EVC: variants seen among roughly 807,000 people sequenced by gnomAD.
EVC encodes the protein evC complex member EVC.
A neutral mutation model predicts 118.9 loss-of-function variants in EVC; 116 were observed. The ratio of observed to expected loss-of-function variants is 0.98; its 90% CI spans 0.84 to 1.14. The LOEUF is 1.14. Ranked by LOEUF, EVC falls within the 50% of genes most tolerant of loss-of-function variation. The pLI is 0.00. For synonymous variants in EVC, 619 were observed against 534.7 expected, an observed-to-expected ratio of 1.16 and a Z score of -2.18; for missense variants, 1,401 against 1,246.4, an observed-to-expected ratio of 1.12 and a Z score of -1.87.
chr4:5,802,318 A>G (rs1577640665), intron 16 of EVC, among the ~76,000 whole-genome samples: 1 of 152,226 alleles, frequency 6.6e-6, no homozygotes, highest in Admixed American at 6.5e-5. Context: ...GAGTGTTTTA[A>G]GTCGGTCACT....
intron 2 of EVC, among the ~76,000 whole-genome samples, chr4:5,723,133 A>G (rs1725236003): frequency 6.6e-6 from 1 of 151,296 alleles, no homozygotes; most frequent in African/African-American, 2.4e-5. Flanking sequence ...CGGCTCCTCC[A>G]TCCCCAGGTG....
chr4:5,735,114 C>T (rs1727458890), intron 5 of EVC, among the ~76,000 whole-genome samples: 1 of 152,240 alleles, frequency 6.6e-6, no homozygotes, highest in Non-Finnish European at 1.5e-5. Context: ...CTGTGTCAGA[C>T]CCCAGGGGCA....
intron 3 of EVC, among the ~76,000 whole-genome samples, chr4:5,729,697 C>G (rs749269272): frequency 2.6e-5 from 4 of 152,198 alleles, no homozygotes; most frequent in African/African-American, 7.2e-5. Flanking sequence ...CGCTAATCCT[C>G]ATTCACAGAG....
intron 11 of EVC, among the ~76,000 whole-genome samples, chr4:5,757,549 A>G (rs1388922019): frequency 1.3e-5 from 2 of 152,238 alleles, no homozygotes; most frequent in East Asian, 3.8e-4. Flanking sequence ...CACGGTGCCA[A>G]CAGGATTGAC....
chr4:5,808,136 T>TACCAAC, intron 17 of EVC, 65 bp from the exon 18 acceptor site: 2 of 306,556 alleles, frequency 6.5e-6, no homozygotes, highest in East Asian at 8.2e-5. Flanking sequence ...TCCTTCTCCC[T>TACCAAC]CCCTCCCTCC....
rs1717133420 is a variant in EVC at position 5,812,867 on chromosome 4, A to C, written c.*1830A>C. 7.7e-6 allele frequency: 1 copy of C among 129,308 alleles called. No homozygotes were observed. Among genetic ancestry groups the C allele is most frequent in the African/African-American group, 2.7e-5 (1 of 37,188 alleles). The allele number at this position is 129,308 out of a possible 1,614,324, so 8.0% of individuals were successfully genotyped here. A position where few individuals can be genotyped will look rare whatever the true frequency, so the allele number is the denominator to read the frequency against. ...CATGGGGTTATCACCCACTGTGCTG[A>C]GTCAAAGGGTGCCTTGCCCTGGTCT... On this transcript the variant is annotated 3_prime_UTR_variant, in exon 21 of 21. Coordinates refer to ENST00000264956, the MANE Select transcript of EVC (RefSeq NM_153717.3).
At chr4:5,771,638 T>C (rs989464400) in intron 11 of EVC, among the ~76,000 whole-genome samples, 6 of 152,174 alleles carry the variant, frequency 3.9e-5, no homozygotes, top group Admixed American at 2.0e-4. Flanking sequence ...AAAACCCTGA[T>C]TTTCTGGGCA....
At chr4:5,780,021 T>A (rs1735332719) in intron 11 of EVC, among the ~76,000 whole-genome samples, 1 of 152,202 alleles carries the variant, frequency 6.6e-6, no homozygotes, top group Non-Finnish European at 1.5e-5. Context: ...GTCCCATCAA[T>A]ACCTAATTGA....
chr4:5,757,235 T>G (rs938659890), intron 11 of EVC, among the ~76,000 whole-genome samples: 1 of 152,024 alleles, frequency 6.6e-6, no homozygotes, highest in African/African-American at 2.4e-5. Flanking sequence ...TGCTTCTGAG[T>G]GCAGAGGAGA....
At chr4:5,741,199 T>C (rs1175180914) in intron 5 of EVC, among the ~76,000 whole-genome samples, 1 of 152,166 alleles carries the variant, frequency 6.6e-6, no homozygotes, top group Non-Finnish European at 1.5e-5. Context: ...CAGGGGTGAA[T>C]AGATCAACAA....
Position 5,719,434 on chromosome 4 carries a change from G to T in EVC, c.300+61G>T. 2 of 1,611,960 alleles carry T rather than the reference G, an allele frequency of 1.2e-6. No individual in the cohort carries two copies. The highest frequency in any genetic ancestry group is 8.5e-7 in the Non-Finnish European group (1 of 1,179,134). ...ATGTGGGAGGTGGGGTATTCCCCCTGGAAGCCGGGTGTCATGTAGACAAGC... is the reference window on the plus strand; with the variant it reads ...ATGTGGGAGGTGGGGTATTCCCCCTTGAAGCCGGGTGTCATGTAGACAAGC... On this transcript the variant is annotated intron_variant, in intron 2 of 20. Coordinates refer to ENST00000264956, the MANE Select transcript of EVC (RefSeq NM_153717.3). This position sits in a 1 kb window ranked among gnomAD's most constrained non-coding sequence, Gnocchi z 4.7.
intron 17 of EVC, 105 bp from the exon 18 acceptor site, chr4:5,808,096 G>A: frequency 1.1e-6 from 1 of 945,764 alleles, no homozygotes; most frequent in Non-Finnish European, 1.6e-6. Context: ...CCCCTCTTGG[G>A]GCTCCCAGGG....
downstream of EVC, among the ~76,000 whole-genome samples, chr4:5,815,835 A>G (rs73079511): frequency 1.9e-3 from 291 of 152,348 alleles, no homozygotes; most frequent in African/African-American, 6.7e-3. Context: ...GCCACCTGGC[A>G]TATAACAGGC....
At chr4:5,828,393 CATT>C in the EVC span, 11 of 1,493,360 alleles carry the variant, frequency 7.4e-6, no homozygotes, top group African/African-American at 7.0e-5. Flanking sequence ...AGGGCGATGA[CATT>C]ATTAACTCTG....
chr4:5,773,178 A>T (rs1386279493), intron 11 of EVC, among the ~76,000 whole-genome samples: 1 of 152,176 alleles, frequency 6.6e-6, no homozygotes, highest in African/African-American at 2.4e-5. Flanking sequence ...TATTTATCCC[A>T]GAGCGTTCAC....
At chr4:5,784,548 G>T (rs189501539) in intron 12 of EVC, among the ~76,000 whole-genome samples, 11 of 151,632 alleles carry the variant, frequency 7.3e-5, no homozygotes, top group African/African-American at 2.7e-4. Flanking sequence ...GTTGTTTTCA[G>T]CTACAGCTTG....
intron 5 of EVC, among the ~76,000 whole-genome samples, chr4:5,741,227 C>T (rs1027240470): frequency 1.3e-5 from 2 of 152,228 alleles, no homozygotes; most frequent in Admixed American, 6.5e-5. Flanking sequence ...ATACAGCCCC[C>T]TCTGTACTTC....
At chr4:5,721,117 CCCT>C (rs1391758209) in intron 2 of EVC, among the ~76,000 whole-genome samples, 2 of 152,056 alleles carry the variant, frequency 1.3e-5, no homozygotes, top group African/African-American at 4.8e-5. Context: ...GTCTCTCTTC[CCCT>C]CCTCTCTCTC....
intron 2 of EVC, among the ~76,000 whole-genome samples, chr4:5,721,601 C>T (rs1262191465): frequency 1.3e-5 from 2 of 152,210 alleles, no homozygotes; most frequent in Admixed American, 1.3e-4. Flanking sequence ...GGCATGGTGG[C>T]TCATGCCTGT....
Sources: gnomAD v4.1 joint callset for allele counts (sites outside exome capture counted in the v4.1 genomes callset) on GRCh38, gnomAD v4.1.1 for gene constraint, Gnocchi (gnomAD v3.1) non-coding constraint, MANE v1.5 for transcripts, NCBI Gene and HGNC (gene_info 2026-07-23, HGNC 2026-07-21) for gene names.